Variants in KLHL32 observed in about 807,000 individuals in gnomAD.
The protein encoded by KLHL32 is kelch-like protein 32.
A neutral mutation model predicts 64.8 loss-of-function variants in KLHL32; 35 were observed. The observed-to-expected ratio is 0.54, with a 90% confidence interval of 0.41 to 0.72. The LOEUF is 0.72. KLHL32 is among the 30% of genes least tolerant of loss of function. The pLI is 0.00. For synonymous variants in KLHL32, 259 were observed against 281.0 expected, an observed-to-expected ratio of 0.92 and a Z score of 0.78; for missense variants, 589 against 768.5, an observed-to-expected ratio of 0.77 and a Z score of 2.76.
chr6:97,133,252 G>T (rs1345274510), intron 10 of KLHL32, among the ~76,000 whole-genome samples: 1 of 152,238 alleles, frequency 6.6e-6, no homozygotes, highest in Non-Finnish European at 1.5e-5. Context: ...TAGCCCTGGT[G>T]CATCAGCATA....
chr6:97,003,569 G>A (rs1402335996), intron 3 of KLHL32, among the ~76,000 whole-genome samples: 1 of 152,098 alleles, frequency 6.6e-6, no homozygotes, highest in Non-Finnish European at 1.5e-5. Context: ...GTCTGCCAGG[G>A]CCTATGTCTG....
intron 3 of KLHL32, among the ~76,000 whole-genome samples, chr6:97,039,982 A>G (rs9487819): frequency 0.17 from 26,200 of 152,146 alleles, 2,622 homozygotes; most frequent in African/African-American, 0.29. Flanking sequence ...TTAAATTATC[A>G]TATGTACCCC....
rs1264889369 is a variant in KLHL32 at position 97,048,496 on chromosome 6, TCTG to T, written c.312+6898_312+6900del. Reference sequence around the variant, plus strand: ...TTGGCAATCAAGAAAACTATCATACTCTGTTAAGGGAAAAATTACTTTAAAAAT... The same window carrying T: ...TTGGCAATCAAGAAAACTATCATACTTTAAGGGAAAAATTACTTTAAAAAT... On this transcript the variant is annotated intron_variant, in intron 4 of 10. Coordinates refer to ENST00000369261, the MANE Select transcript of KLHL32 (RefSeq NM_052904.4). 7.9e-5 allele frequency among the ~76,000 whole-genome samples: 12 copies of T among 152,342 alleles called. No individual in the cohort carries two copies. In the East Asian group the frequency reaches 2.3e-3, roughly 29 times the overall value.
chr6:97,049,219 AT>A (rs1314834459), intron 4 of KLHL32, among the ~76,000 whole-genome samples: 1 of 152,196 alleles, frequency 6.6e-6, no homozygotes, highest in Non-Finnish European at 1.5e-5. Context: ...ATTAACAACA[AT>A]TACTAACAAT....
At chr6:96,947,695 A>T (rs1772089381) in intron 1 of KLHL32, among the ~76,000 whole-genome samples, 2 of 152,216 alleles carry the variant, frequency 1.3e-5, no homozygotes, top group Admixed American at 1.3e-4. Context: ...CACGGATTTT[A>T]TGCTCTTTGC....
chr6:97,134,171 C>G (rs1419011643), intron 10 of KLHL32, among the ~76,000 whole-genome samples: 3 of 151,684 alleles, frequency 2.0e-5, no homozygotes, highest in Non-Finnish European at 2.9e-5. Flanking sequence ...GAAAATGAAC[C>G]AAAAAGTAAT....
At chr6:96,996,003 A>AACAGAG (rs1258665072) in intron 3 of KLHL32, among the ~76,000 whole-genome samples, 3 of 152,210 alleles carry the variant, frequency 2.0e-5, no homozygotes, top group Non-Finnish European at 4.4e-5. Context: ...TAGCAAGAGA[A>AACAGAG]ATGAGGGGCC....
At chr6:96,997,449 T>C (rs1778531823) in intron 3 of KLHL32, among the ~76,000 whole-genome samples, 1 of 152,130 alleles carries the variant, frequency 6.6e-6, no homozygotes. Context: ...GAAAGTGTCC[T>C]ATAAAGACTT....
chr6:96,925,979 G>T (rs1228907675), intron 1 of KLHL32, among the ~76,000 whole-genome samples: 1 of 152,008 alleles, frequency 6.6e-6, no homozygotes, highest in Non-Finnish European at 1.5e-5. Flanking sequence ...GATGGGACTG[G>T]GTCCTCTACT....
chr6:96,903,592 A>G, the KLHL32 span, among the ~76,000 whole-genome samples: 1 of 152,190 alleles, frequency 6.6e-6, no homozygotes, highest in Non-Finnish European at 1.5e-5. Flanking sequence ...GCCCGATGTG[A>G]CAGCCCACAA....
chr6:96,898,894 A>G, the KLHL32 span, among the ~76,000 whole-genome samples: 4 of 152,206 alleles, frequency 2.6e-5, no homozygotes, highest in African/African-American at 7.2e-5. Context: ...TGCAAAATCT[A>G]TTTTTAGTGT....
At chr6:97,005,404 C>G (rs1779544704) in intron 3 of KLHL32, among the ~76,000 whole-genome samples, 3 of 151,626 alleles carry the variant, frequency 2.0e-5, no homozygotes, top group Admixed American at 2.0e-4. Flanking sequence ...TGGTCTATCT[C>G]TCTTATTTAT....
At chr6:97,137,346 A>G (rs1483275457) in intron 10 of KLHL32, among the ~76,000 whole-genome samples, 1 of 152,204 alleles carries the variant, frequency 6.6e-6, no homozygotes. Flanking sequence ...TGTATTTAGT[A>G]TATGAGTGAG....
intron 2 of KLHL32, among the ~76,000 whole-genome samples, chr6:96,967,499 TGAGA>T (rs373488464): frequency 1.6e-4 from 24 of 146,522 alleles, no homozygotes; most frequent in African/African-American, 5.5e-4. Flanking sequence ...GGATAGAGAA[TGAGA>T]GAGAGAGAGA....
At chr6:96,965,202 A>G (rs567373013) in intron 1 of KLHL32, among the ~76,000 whole-genome samples, 2 of 152,336 alleles carry the variant, frequency 1.3e-5, no homozygotes, top group South Asian at 4.1e-4. Flanking sequence ...CTATTAATAC[A>G]TAGTATTCCA....
rs1229925525 is a variant in KLHL32 at position 97,131,202 on chromosome 6, A to G, written c.1606+253A>G. On this transcript the variant is annotated intron_variant, in intron 9 of 10. Transcript: ENST00000369261. ...CCTCATATGGCTGAGAGGCATGTCA[A>G]GTCCATTATCATCCATCAGTGTTAA... is the stretch of plus-strand genomic sequence containing the variant. 2.6e-5 allele frequency among the ~76,000 whole-genome samples: 4 copies of G among 152,198 alleles called. No individual in the cohort carries two copies. In the East Asian group the frequency reaches 7.7e-4, roughly 29 times the overall value.
intron 3 of KLHL32, among the ~76,000 whole-genome samples, chr6:96,976,707 T>C (rs1775736310): frequency 6.6e-6 from 1 of 152,160 alleles, no homozygotes; most frequent in African/African-American, 2.4e-5. Context: ...CAAGTGATTC[T>C]CCTGCCTTAG....
intron 3 of KLHL32, among the ~76,000 whole-genome samples, chr6:97,039,822 A>AAAC (rs1784858598): frequency 3.3e-5 from 5 of 149,314 alleles, no homozygotes; most frequent in Non-Finnish European, 5.9e-5. Flanking sequence ...TCCATCTCAA[A>AAAC]AAACAAACAA....
At chr6:96,967,739 A>G (rs1180327128) in intron 2 of KLHL32, among the ~76,000 whole-genome samples, 1 of 152,230 alleles carries the variant, frequency 6.6e-6, no homozygotes, top group Non-Finnish European at 1.5e-5. Context: ...AAATAAGCAC[A>G]CCAGTAACGA....
Sources: allele counts gnomAD v4.1 joint callset (sites outside exome capture counted in the v4.1 genomes callset), GRCh38; gene constraint gnomAD v4.1.1; transcripts MANE v1.5; gene names NCBI Gene and HGNC (gene_info 2026-07-23, HGNC 2026-07-21).